Variants in ACACA observed in about 807,000 individuals in gnomAD.
The protein encoded by ACACA is acetyl-CoA carboxylase 1.
ACACA carries 103 observed loss-of-function variants against 296.1 expected under a neutral mutation model. The ratio of observed to expected loss-of-function variants is 0.35; its 90% CI spans 0.30 to 0.41. The LOEUF is 0.41. ACACA is among the 10% of genes least tolerant of loss of function. The pLI is 1.00. For synonymous variants in ACACA, 953 were observed against 1,038.6 expected (o/e 0.92, Z 1.58); for missense variants, 1,554 against 2,989.7 (o/e 0.52, Z 11.20).
intron 29 of ACACA, among the ~76,000 whole-genome samples, chr17:37,217,755 A>ACC (rs2079088063): frequency 6.9e-6 from 1 of 145,672 alleles, no homozygotes; most frequent in African/African-American, 2.6e-5. Flanking sequence ...AAAAAAAAAA[A>ACC]AAAAAAAAAC....
intron 52 of ACACA, among the ~76,000 whole-genome samples, chr17:37,108,916 A>AT (rs2073838612): frequency 6.6e-6 from 1 of 152,246 alleles, no homozygotes; most frequent in Admixed American, 6.5e-5. Flanking sequence ...TCAGTTGAGG[A>AT]AAAATCTGAA....
At chr17:37,368,031 C>CA (rs1317876258) in intron 1 of ACACA, among the ~76,000 whole-genome samples, 7 of 152,212 alleles carry the variant, frequency 4.6e-5, no homozygotes, top group Admixed American at 3.9e-4. Context: ...CACACCACTG[C>CA]ACTCCAGCCT....
intron 31 of ACACA, among the ~76,000 whole-genome samples, chr17:37,207,361 T>C (rs2078552267): frequency 6.6e-6 from 1 of 152,188 alleles, no homozygotes; most frequent in Admixed American, 6.5e-5. Context: ...CTCCTGACAT[T>C]TCACTCATCA....
intron 52 of ACACA, 122 bp downstream of exon 52, chr17:37,111,409 T>A (rs2073965433): frequency 1.3e-6 from 1 of 785,476 alleles, no homozygotes; most frequent in South Asian, 1.4e-5. Flanking sequence ...TAGAGGACAG[T>A]AAATAAAGAT....
chr17:37,334,077 A>G (rs780067975), intron 2 of ACACA, among the ~76,000 whole-genome samples: 6 of 152,036 alleles, frequency 3.9e-5, no homozygotes, highest in Non-Finnish European at 7.4e-5. Flanking sequence ...TGGAGGCCAC[A>G]GTCCTCAGGA....
intron 25 of ACACA, 24 bp from the exon 26 acceptor site, chr17:37,226,476 CATAG>C (rs780614954): frequency 1.9e-6 from 3 of 1,559,786 alleles, no homozygotes; most frequent in African/African-American, 1.4e-5. Flanking sequence ...TAAAAAAGAA[CATAG>C]ATAGTCATAT....
chr17:37,184,709 C>T (rs1351613215), intron 39 of ACACA, among the ~76,000 whole-genome samples: 1 of 151,826 alleles, frequency 6.6e-6, no homozygotes, highest in Non-Finnish European at 1.5e-5. Context: ...ACTAGCTGGG[C>T]ATGGTGGTAG....
intron 3 of ACACA, among the ~76,000 whole-genome samples, chr17:37,287,623 A>G (rs1567945380): frequency 6.6e-6 from 1 of 151,702 alleles, no homozygotes; most frequent in Non-Finnish European, 1.5e-5. Flanking sequence ...CACGTCTGTA[A>G]TCCCAGCTAC....
Position 37,099,560 on chromosome 17 carries a change from A to T in ACACA, c.6566-1576T>A, listed in dbSNP as rs867135362. Among the ~76,000 whole-genome samples the T allele has an allele frequency of 6.4e-3, 554 of 86,922 alleles. 1 individual carries two copies. The highest frequency in any genetic ancestry group is 0.031 in the African/African-American group (519 of 16,646). 57.0% of individuals were successfully genotyped at this position (86,922 alleles called of 152,430 possible). Reference sequence around the variant, plus strand: ...GGCTGATGGCGGGAGGGCTGATGGCAGGAGGGCTGATGGCGGGAGGGCTGA... The same window carrying T: ...GGCTGATGGCGGGAGGGCTGATGGCTGGAGGGCTGATGGCGGGAGGGCTGA... On this transcript the variant is annotated intron_variant, in intron 52 of 55. Transcript: ENST00000616317.
chr17:37,147,105 G>A (rs943747573), intron 45 of ACACA, among the ~76,000 whole-genome samples: 1 of 151,938 alleles, frequency 6.6e-6, no homozygotes, highest in African/African-American at 2.4e-5. Flanking sequence ...TCACCCCAAT[G>A]TTTAACATAA....
At chr17:37,379,066 C>T (rs375785704) in intron 1 of ACACA, 20 of 1,494,520 alleles carry the variant, frequency 1.3e-5, no homozygotes, top group East Asian at 1.2e-4. Context: ...AGCAAGGCAC[C>T]GTCTCAAAAA....
At chr17:37,281,092 G>A (rs1398916580) in intron 5 of ACACA, among the ~76,000 whole-genome samples, 8 of 137,522 alleles carry the variant, frequency 5.8e-5, no homozygotes, top group African/African-American at 1.7e-4. Context: ...ACTGAGTCTC[G>A]CTTTGTGGCC....
chr17:37,204,281 T>C (rs1329265342), intron 33 of ACACA, among the ~76,000 whole-genome samples: 1 of 152,206 alleles, frequency 6.6e-6, no homozygotes, highest in African/African-American at 2.4e-5. Context: ...TCCTGTCCCC[T>C]CAACTAGACT....
chr17:37,260,282 ATATATATATATATATTTTTTTT>A (rs1427655466), intron 11 of ACACA, among the ~76,000 whole-genome samples: 17 of 35,602 alleles, frequency 4.8e-4, no homozygotes, highest in African/African-American at 2.5e-3. Flanking sequence ...ATATATATAT[ATATATATATATATATTTTTTTT>A]TTTTTTTTTT....
intron 52 of ACACA, among the ~76,000 whole-genome samples, chr17:37,098,633 G>C (rs189463485): frequency 6.6e-6 from 1 of 152,326 alleles, no homozygotes; most frequent in Admixed American, 6.5e-5. Context: ...AGCTCAGTGG[G>C]TTAGCCTGTG....
intron 1 of ACACA, among the ~76,000 whole-genome samples, chr17:37,364,761 T>C (rs1404858066): frequency 6.6e-6 from 1 of 152,182 alleles, no homozygotes; most frequent in Non-Finnish European, 1.5e-5. Flanking sequence ...CCACCAATAG[T>C]CATACTTTAA....
chr17:37,228,721 A>G (rs923933441), intron 25 of ACACA, among the ~76,000 whole-genome samples: 1 of 152,196 alleles, frequency 6.6e-6, no homozygotes, highest in Non-Finnish European at 1.5e-5. Context: ...TACTTACTAA[A>G]AGCATTGGAA....
At chr17:37,283,977 CCTAT>C (rs1367787397) in intron 4 of ACACA, among the ~76,000 whole-genome samples, 3 of 152,206 alleles carry the variant, frequency 2.0e-5, no homozygotes, top group Non-Finnish European at 4.4e-5. Flanking sequence ...CGTCTCCTTA[CCTAT>C]CTTGCAGTCA....
In ACACA at chr17:37,360,750, G is replaced by A. The variant is rs75852002; in HGVS notation, c.39-20900C>T. Among the ~76,000 whole-genome samples the A allele has an allele frequency of 5.0e-3, 762 of 152,200 alleles. 2 individuals carry two copies. Among genetic ancestry groups the A allele is most frequent in the African/African-American group, 0.016 (669 of 41,522 alleles). On this transcript the variant is annotated intron_variant, in intron 1 of 55. Transcript: ENST00000616317. ...GAAAGATGTGGACTTTACAGAACAG[G>A]GATTCATATTTCACAATAATTATAT...
Sources: gnomAD v4.1 joint callset for allele counts (sites outside exome capture counted in the v4.1 genomes callset) on GRCh38, gnomAD v4.1.1 for gene constraint, MANE v1.5 for transcripts, NCBI Gene and HGNC (gene_info 2026-07-23, HGNC 2026-07-21) for gene names.